Variants in CNTNAP2 observed in about 807,000 individuals in gnomAD.
CNTNAP2 encodes the protein contactin associated protein 2, also known as contactin-associated protein-like 2.
Under a neutral mutation model 155.2 loss-of-function variants are expected in CNTNAP2, and 98 were observed. The observed-to-expected ratio is 0.63, with a 90% CI of 0.54 to 0.75. CNTNAP2 has a LOEUF of 0.75. Ranked by LOEUF, CNTNAP2 falls within the 30% of genes least tolerant of loss-of-function variation. CNTNAP2 has a pLI of 0.00. For synonymous variants in CNTNAP2, 651 were observed against 631.2 expected (o/e 1.03, Z -0.47); for missense variants, 1,727 against 1,688.1 (o/e 1.02, Z -0.40).
chr7:147,303,539 A>G (rs76808612), intron 9 of CNTNAP2, among the ~76,000 whole-genome samples: 1,647 of 152,324 alleles, frequency 0.011, 32 homozygotes, highest in African/African-American at 0.038. Context: ...TAGGATTCAA[A>G]TGTTAAAATA....
intron 1 of CNTNAP2, among the ~76,000 whole-genome samples, chr7:146,704,558 G>A (rs1156838515): frequency 6.6e-6 from 1 of 152,072 alleles, no homozygotes; most frequent in Non-Finnish European, 1.5e-5. Context: ...CTGTGTCTAT[G>A]TTCCCATCAC....
At chr7:146,135,047 C>G (rs1057189736) in intron 1 of CNTNAP2, among the ~76,000 whole-genome samples, 2 of 151,988 alleles carry the variant, frequency 1.3e-5, no homozygotes, top group Non-Finnish European at 2.9e-5. Context: ...GTCCTGGACT[C>G]TTTTTTATAA....
chr7:146,423,487 A>G (rs1796043702), intron 1 of CNTNAP2, among the ~76,000 whole-genome samples: 1 of 152,196 alleles, frequency 6.6e-6, no homozygotes, highest in Non-Finnish European at 1.5e-5. Flanking sequence ...AAAAAGGGTT[A>G]GAGAGATGAA....
At chr7:147,458,722 C>T (rs969479871) in intron 10 of CNTNAP2, among the ~76,000 whole-genome samples, 6 of 152,136 alleles carry the variant, frequency 3.9e-5, no homozygotes, top group South Asian at 2.1e-4. Flanking sequence ...ATTGAGAAAT[C>T]GGAATCTCAT....
rs527882207 is a variant in CNTNAP2, at chr7:148,059,502, C to A, written c.2384-58616C>A. ...GCTACTCTGGCTGAGGCAGGAAAATCGCTTGAACCCGGGAGAGGGAGGTTG... is the reference window on the plus strand; with the variant it reads ...GCTACTCTGGCTGAGGCAGGAAAATAGCTTGAACCCGGGAGAGGGAGGTTG... On this transcript the variant is annotated intron_variant, in intron 15 of 23. Coordinates refer to ENST00000361727, the MANE Select transcript of CNTNAP2 (RefSeq NM_014141.6). Among the ~76,000 whole-genome samples, 35 of 151,064 alleles carry A rather than the reference C, an allele frequency of 2.3e-4. 1 individual carries two copies. The highest frequency in any genetic ancestry group is 2.0e-3 in the Admixed American group (30 of 15,116).
At chr7:148,158,630 T>C (rs1230772905) in intron 17 of CNTNAP2, among the ~76,000 whole-genome samples, 30 of 152,194 alleles carry the variant, frequency 2.0e-4, no homozygotes, top group Non-Finnish European at 1.5e-5. Context: ...CTATATTATA[T>C]GGGTAGAAAC....
intron 13 of CNTNAP2, among the ~76,000 whole-genome samples, chr7:147,696,797 T>C (rs1796167877): frequency 6.6e-6 from 1 of 152,146 alleles, no homozygotes; most frequent in Non-Finnish European, 1.5e-5. Flanking sequence ...TGGCTGATTT[T>C]TTTTTTCTCC....
At chr7:146,475,013 G>GCGCGCACACACACACA (rs71525954) in intron 1 of CNTNAP2, among the ~76,000 whole-genome samples, 23 of 144,302 alleles carry the variant, frequency 1.6e-4, no homozygotes, top group African/African-American at 5.2e-4. Flanking sequence ...GCGCGCGCGC[G>GCGCGCACACACACACA]CACACACACA....
At position 147,298,938 on chromosome 7, in the gene CNTNAP2, G is replaced by T. The variant is rs573401414; in HGVS notation, c.1349-1203G>T. ...TTCAGCCACAAACTGTGGTTTTTCA[G>T]ATTCCTGGTATAAATTATCAGGAGC... On this transcript the variant is annotated intron_variant, in intron 8 of 23. Coordinates refer to ENST00000361727, the MANE Select transcript of CNTNAP2 (RefSeq NM_014141.6). 2.0e-5 allele frequency among the ~76,000 whole-genome samples: 3 copies of T among 152,332 alleles called. No homozygotes were observed. In the South Asian group the frequency reaches 6.2e-4, roughly 32 times the overall value.
At chr7:147,069,644 T>C (rs6960831) in intron 4 of CNTNAP2, among the ~76,000 whole-genome samples, 108,361 of 151,744 alleles carry the variant, frequency 0.71, 38,670 homozygotes, top group East Asian at 0.75. Context: ...AGAGATTGAG[T>C]AAAGATATAA....
intron 15 of CNTNAP2, among the ~76,000 whole-genome samples, chr7:148,066,813 T>A (rs1803275294): frequency 6.6e-6 from 1 of 152,178 alleles, no homozygotes; most frequent in Non-Finnish European, 1.5e-5. Flanking sequence ...TTCTTTTTTC[T>A]TTGTCTTTGT....
intron 1 of CNTNAP2, among the ~76,000 whole-genome samples, chr7:146,683,544 G>A (rs541350175): frequency 4.6e-5 from 7 of 152,208 alleles, no homozygotes; most frequent in East Asian, 1.9e-4. Context: ...GTGTCATACC[G>A]GACATTAATT....
Position 148,185,532 on chromosome 7 carries a change from C to T in CNTNAP2, c.3010+13054C>T, listed in dbSNP as rs533373431. Among the ~76,000 whole-genome samples the T allele has an allele frequency of 9.5e-4, 144 of 152,302 alleles. 1 individual carries two copies. Among genetic ancestry groups the T allele is most frequent in the Non-Finnish European group, 1.3e-3 (89 of 68,028 alleles). On this transcript the variant is annotated intron_variant, in intron 18 of 23. Transcript: ENST00000361727. ...GACAGTCTCTCTGCATCCTCTGCCC[C>T]GTTACCAAGGATGATAACTCCTGTT...
intron 14 of CNTNAP2, among the ~76,000 whole-genome samples, chr7:147,967,823 C>T (rs1316572864): frequency 6.6e-6 from 1 of 152,068 alleles, no homozygotes; most frequent in Non-Finnish European, 1.5e-5. Context: ...AAGTCTTGTA[C>T]CCCTTTCACC....
At chr7:147,967,656 T>C (rs78562879) in intron 14 of CNTNAP2, among the ~76,000 whole-genome samples, 5,392 of 152,224 alleles carry the variant, frequency 0.035, 159 homozygotes, top group South Asian at 0.13. Flanking sequence ...AAATTTACTG[T>C]TCTAATTGCA....
chr7:147,838,306 G>A (rs1766228592), intron 13 of CNTNAP2, among the ~76,000 whole-genome samples: 1 of 152,162 alleles, frequency 6.6e-6, no homozygotes, highest in South Asian at 2.1e-4. Flanking sequence ...ACATGTCCTG[G>A]AGACATTTTC....
intron 1 of CNTNAP2, among the ~76,000 whole-genome samples, chr7:146,678,254 A>G (rs1425496255): frequency 6.6e-6 from 1 of 151,860 alleles, no homozygotes. Flanking sequence ...TTTTTAGTAA[A>G]TATGGGGTCT....
At chr7:147,797,413 G>A (rs555517809) in intron 13 of CNTNAP2, among the ~76,000 whole-genome samples, 1 of 151,810 alleles carries the variant, frequency 6.6e-6, no homozygotes, top group South Asian at 2.1e-4. Flanking sequence ...AAAAAAAAAG[G>A]TATCTAAAAA....
intron 1 of CNTNAP2, among the ~76,000 whole-genome samples, chr7:146,232,449 C>A (rs908955047): frequency 6.6e-6 from 1 of 151,834 alleles, no homozygotes; most frequent in African/African-American, 2.4e-5. Flanking sequence ...GTGTGTAGTT[C>A]AAATATTTTG....
Sources: gnomAD v4.1 joint callset for allele counts (sites outside exome capture counted in the v4.1 genomes callset) on GRCh38, gnomAD v4.1.1 for gene constraint, MANE v1.5 for transcripts, NCBI Gene and HGNC (gene_info 2026-07-23, HGNC 2026-07-21) for gene names.